Variants in CSN1S1 observed in about 807,000 individuals in gnomAD.
CSN1S1 encodes the protein alpha-S1-casein.
Under a neutral mutation model 49.1 loss-of-function variants are expected in CSN1S1, and 63 were observed. The observed-to-expected ratio is 1.28, with a 90% CI of 1.05 to 1.58. The LOEUF is 1.58. CSN1S1 is among the 40% of genes most tolerant of loss of function. CSN1S1 has a pLI of 0.00. For missense variants in CSN1S1, 260 were observed against 224.7 expected, an observed-to-expected ratio of 1.16 and a Z score of -1.01; for synonymous variants, 78 against 67.1, an observed-to-expected ratio of 1.16 and a Z score of -0.79.
intron 15 of CSN1S1, among the ~76,000 whole-genome samples, chr4:69,945,900 C>T (rs1723150000): frequency 6.6e-6 from 1 of 151,794 alleles, no homozygotes. Context: ...CCTTCTAATA[C>T]ATTAAACCAA....
rs1578131384 is a variant in CSN1S1 at position 69,933,926 on chromosome 4, A to C, written c.52-286A>C. ...TATTCTGGATTCAAACTAACCCAGA[A>C]TTTTTACTTTTTTAAAGATGTTTTA... On this transcript the variant is annotated intron_variant, in intron 2 of 15. Coordinates refer to ENST00000246891, the MANE Select transcript of CSN1S1 (RefSeq NM_001890.2). Among the ~76,000 whole-genome samples, 3 of 152,054 alleles carry C rather than the reference A, an allele frequency of 2.0e-5. No individual in the cohort carries two copies. In the East Asian group the frequency reaches 5.8e-4, roughly 30 times the overall value.
At chr4:69,940,890 A>C in intron 11 of CSN1S1, 129 bp from the exon 12 acceptor site, 1 of 498,900 alleles carries the variant, frequency 2.0e-6, no homozygotes, top group Non-Finnish European at 3.7e-6. Context: ...AATGGCACTC[A>C]GGTGTAATAG....
chr4:69,933,871 A>G (rs1344885747), intron 2 of CSN1S1, among the ~76,000 whole-genome samples: 1 of 152,068 alleles, frequency 6.6e-6, no homozygotes, highest in Admixed American at 6.6e-5. Context: ...TGTAATATAT[A>G]TAGTTCAGAA....
At chr4:69,934,586 T>C in intron 3 of CSN1S1, 104 bp from the exon 4 acceptor site, 1 of 1,012,742 alleles carries the variant, frequency 9.9e-7, no homozygotes. Context: ...ATATGTTGAA[T>C]CTTGAATTAG....
intron 12 of CSN1S1, 97 bp from the exon 13 acceptor site, chr4:69,941,949 A>G (rs1439029400): frequency 5.6e-6 from 4 of 715,952 alleles, no homozygotes; most frequent in Non-Finnish European, 8.9e-6. Flanking sequence ...CCAGTATTTA[A>G]CATTGTCCCT....
At chr4:69,932,886 T>A (rs1722652541) in intron 2 of CSN1S1, among the ~76,000 whole-genome samples, 1 of 151,918 alleles carries the variant, frequency 6.6e-6, no homozygotes, top group Non-Finnish European at 1.5e-5. Flanking sequence ...AAGAATAAGG[T>A]AATGCACAAC....
intron 5 of CSN1S1, 86 bp downstream of exon 5, chr4:69,936,035 C>A: frequency 9.6e-7 from 1 of 1,039,810 alleles, no homozygotes; most frequent in East Asian, 2.6e-5. Context: ...GTGCCTAAAA[C>A]AAAGTGAAAG....
rs1443133636 is a variant in CSN1S1 at position 69,946,104 on chromosome 4, G to GA, written c.*-88dup. Reference sequence around the variant, plus strand: ...ATTGTGAGCTTGTCTAATACGAAGAGAAAATAGTAAAACGTGTTCTACCAT... The same window carrying GA: ...ATTGTGAGCTTGTCTAATACGAAGAGAAAAATAGTAAAACGTGTTCTACCAT... On this transcript the variant is annotated intron_variant, in intron 15 of 15. Transcript: ENST00000246891. The GA allele has an allele frequency of 7.9e-6, 3 of 381,446 alleles. No individual in the cohort carries two copies. The East Asian group carries it at 1.2e-4, about 15-fold the overall frequency. 23.6% of individuals were successfully genotyped at this position (381,446 alleles called of 1,614,324 possible).
intron 2 of CSN1S1, 57 bp downstream of exon 2, chr4:69,932,663 C>T: frequency 7.2e-7 from 1 of 1,395,736 alleles, no homozygotes; most frequent in Non-Finnish European, 1.0e-6. Context: ...TGACCTGACA[C>T]TTCATCAAAC....
At chr4:69,935,010 G>A (rs376317155) in intron 4 of CSN1S1, among the ~76,000 whole-genome samples, 2 of 151,986 alleles carry the variant, frequency 1.3e-5, no homozygotes, top group African/African-American at 2.4e-5. Flanking sequence ...CTAATTATTT[G>A]TTCTTCTAGC....
At chr4:69,943,193 T>C (rs1477003001) in intron 14 of CSN1S1, among the ~76,000 whole-genome samples, 1 of 125,560 alleles carries the variant, frequency 8.0e-6, no homozygotes, top group Non-Finnish European at 1.8e-5. Context: ...ATTATTATTA[T>C]TATTATTATT....
chr4:69,936,485 A>G lies in CSN1S1; in HGVS notation c.153+6A>G. The stretch of plus-strand genomic sequence containing the variant: ...ACATGAATGGTATGAACAGGGTAAG[A>G]AACATCAATGAAATTTAAATTATGT... On this transcript the variant is annotated splice_donor_region_variant and intron_variant, in intron 6 of 15. Transcript: ENST00000246891. 6.3e-7 allele frequency: 1 copy of G among 1,579,660 alleles called. No individual in the cohort carries two copies. The highest frequency in any genetic ancestry group is 1.1e-5 in the South Asian group (1 of 89,630).
chr4:69,934,141 T>C (rs1022434749), intron 2 of CSN1S1, 71 bp from the exon 3 acceptor site: 7 of 1,158,048 alleles, frequency 6.0e-6, no homozygotes, highest in Middle Eastern at 4.2e-4. Flanking sequence ...TCGTATTATA[T>C]GTGTATTATT....
At chr4:69,939,064 A>G (rs757079845) in intron 9 of CSN1S1, 112 bp from the exon 10 acceptor site, 1 of 658,206 alleles carries the variant, frequency 1.5e-6, no homozygotes, top group Non-Finnish European at 2.6e-6. Context: ...CATACCACTT[A>G]TTCAGTTATA....
chr4:69,932,512 TCTAA>T (rs1560384857), intron 1 of CSN1S1, 28 bp from the exon 2 acceptor site: 1 of 1,548,062 alleles, frequency 6.5e-7, no homozygotes. Flanking sequence ...CGTAATAATA[TCTAA>T]CTCTTTCTTT....
At chr4:69,946,083 T>G (rs1442645010) in intron 15 of CSN1S1, 113 bp from the exon 16 acceptor site, 8 of 348,640 alleles carry the variant, frequency 2.3e-5, no homozygotes, top group Admixed American at 4.9e-5. Flanking sequence ...AATAACATTG[T>G]GAGCTTGTCT....
intron 8 of CSN1S1, 104 bp from the exon 9 acceptor site, chr4:69,937,696 T>C (rs1722832544): frequency 2.3e-6 from 2 of 870,112 alleles, no homozygotes; most frequent in Non-Finnish European, 3.5e-6. Flanking sequence ...TTATATTGTC[T>C]CAGTTTTCTA....
chr4:69,934,623 C>T, intron 3 of CSN1S1, 67 bp from the exon 4 acceptor site: 2 of 1,442,172 alleles, frequency 1.4e-6, no homozygotes, highest in South Asian at 2.3e-5. Flanking sequence ...TTTCTATGAG[C>T]ACAACTAATC....
intron 4 of CSN1S1, among the ~76,000 whole-genome samples, chr4:69,935,513 G>T (rs1381074669): frequency 6.6e-6 from 1 of 152,096 alleles, no homozygotes; most frequent in African/African-American, 2.4e-5. Flanking sequence ...TAGCACAAGG[G>T]CAACAGAGCA....
Sources: gnomAD v4.1 joint callset for allele counts (sites outside exome capture counted in the v4.1 genomes callset) on GRCh38, gnomAD v4.1.1 for gene constraint, MANE v1.5 for transcripts, NCBI Gene and HGNC (gene_info 2026-07-23, HGNC 2026-07-21) for gene names.